NRXN1: variants seen among roughly 807,000 people sequenced by gnomAD.
NRXN1 encodes the protein neurexin-1.
A neutral mutation model predicts 150.9 loss-of-function variants in NRXN1; 39 were observed. The observed-to-expected ratio is 0.26, with a 90% CI of 0.20 to 0.34. The LOEUF (loss-of-function observed/expected upper bound fraction) is 0.34. NRXN1 is among the 10% of genes least tolerant of loss of function. The probability of loss-of-function intolerance (pLI) is 1.00; values close to 1 mark genes in which losing one functional copy is unlikely to be tolerated. For synonymous variants in NRXN1, 924 were observed against 757.0 expected (o/e 1.22, Z -3.62); for missense variants, 1,815 against 1,949.9 (o/e 0.93, Z 1.30).
At chr2:50,908,010 T>G (rs1461969933) in intron 5 of NRXN1, among the ~76,000 whole-genome samples, 2 of 152,070 alleles carry the variant, frequency 1.3e-5, no homozygotes, top group African/African-American at 4.8e-5. Flanking sequence ...GTAAATAACT[T>G]ATATTACAGG....
chr2:50,002,606 T>C (rs1423762597), intron 21 of NRXN1, among the ~76,000 whole-genome samples: 3 of 152,134 alleles, frequency 2.0e-5, no homozygotes, highest in African/African-American at 7.2e-5. Flanking sequence ...TCTTTTAACG[T>C]CAAAGTTTAC....
chr2:50,467,716 A>G lies in NRXN1; in HGVS notation c.3245-2155T>C, dbSNP rs1018317183. ...AATTAAAACAAAAATAGTAGTTTATATAAGTAGTAATATAATAAGAAGACC... is the reference window on the plus strand; with the variant it reads ...AATTAAAACAAAAATAGTAGTTTATGTAAGTAGTAATATAATAAGAAGACC... On this transcript the variant is annotated intron_variant, in intron 16 of 22. Coordinates refer to ENST00000401669, the MANE Select transcript of NRXN1 (RefSeq NM_001330078.2). 3.1e-4 allele frequency among the ~76,000 whole-genome samples: 47 copies of G among 151,614 alleles called. No homozygotes were observed. The Middle Eastern group carries it at 0.01, about 33-fold the overall frequency.
intron 18 of NRXN1, among the ~76,000 whole-genome samples, chr2:50,119,738 G>A (rs1387154240): frequency 1.3e-5 from 2 of 152,022 alleles, no homozygotes. Context: ...AAAGCCTCCC[G>A]GTTCACCCAT....
At chr2:50,200,350 A>G (rs2062071623) in intron 18 of NRXN1, among the ~76,000 whole-genome samples, 1 of 152,164 alleles carries the variant, frequency 6.6e-6, no homozygotes, top group South Asian at 2.1e-4. Context: ...AGTCATAATT[A>G]ATTGGCCTCA....
At chr2:50,671,438 A>G (rs577760360) in intron 5 of NRXN1, among the ~76,000 whole-genome samples, 1 of 151,534 alleles carries the variant, frequency 6.6e-6, no homozygotes, top group Non-Finnish European at 1.5e-5. Flanking sequence ...ATACTTCTTG[A>G]TTTATTTTAT....
rs180812359 is a variant in NRXN1, at chr2:49,966,415, A to T, written c.4129-22624T>A. 4.6e-5 allele frequency among the ~76,000 whole-genome samples: 7 copies of T among 152,300 alleles called. No individual in the cohort carries two copies. The East Asian group carries it at 1.2e-3, about 25-fold the overall frequency. ...TAAAAATTTTCAATATGAAAATCTC[A>T]TAAGAAAATCTCAGATGCAGATTCA... is the stretch of plus-strand genomic sequence containing the variant. On this transcript the variant is annotated intron_variant, in intron 21 of 22. Coordinates refer to ENST00000401669, the MANE Select transcript of NRXN1 (RefSeq NM_001330078.2).
At chr2:50,703,614 A>G (rs1010475809) in intron 5 of NRXN1, among the ~76,000 whole-genome samples, 1 of 152,172 alleles carries the variant, frequency 6.6e-6, no homozygotes, top group Non-Finnish European at 1.5e-5. Flanking sequence ...GGAGTGCCAT[A>G]AAGGGCATCA....
chr2:50,264,098 T>C (rs2068595675), intron 17 of NRXN1, among the ~76,000 whole-genome samples: 1 of 152,152 alleles, frequency 6.6e-6, no homozygotes, highest in Non-Finnish European at 1.5e-5. Flanking sequence ...TACTATCTTA[T>C]GCAGTAGGAC....
intron 18 of NRXN1, among the ~76,000 whole-genome samples, chr2:50,119,468 C>G (rs1273553469): frequency 3.3e-5 from 5 of 151,630 alleles, no homozygotes; most frequent in African/African-American, 1.2e-4. Flanking sequence ...TTCATCAGAG[C>G]TTTCTTTGTC....
At chr2:50,175,644 T>C (rs1823768) in intron 18 of NRXN1, among the ~76,000 whole-genome samples, 40,435 of 151,854 alleles carry the variant, frequency 0.27, 5,842 homozygotes, top group African/African-American at 0.34. Context: ...TATATGCACA[T>C]GCATGTCTAT....
intron 15 of NRXN1, among the ~76,000 whole-genome samples, chr2:50,485,522 G>A (rs1364151589): frequency 6.6e-6 from 1 of 152,174 alleles, no homozygotes; most frequent in Non-Finnish European, 1.5e-5. Flanking sequence ...CCGACACGCT[G>A]AGAAAACTTT....
chr2:50,073,487 T>C (rs972395462), intron 19 of NRXN1, among the ~76,000 whole-genome samples: 1 of 152,184 alleles, frequency 6.6e-6, no homozygotes, highest in East Asian at 1.9e-4. Context: ...CAGGCCTCAC[T>C]CATGCTTCCA....
intron 19 of NRXN1, among the ~76,000 whole-genome samples, chr2:50,066,297 G>C (rs764395926): frequency 7.9e-5 from 12 of 152,176 alleles, no homozygotes; most frequent in Non-Finnish European, 1.8e-4. Flanking sequence ...TGTCTAGGGA[G>C]TCAAGGGGAC....
chr2:50,063,568 A>G (rs1694902968), intron 19 of NRXN1, among the ~76,000 whole-genome samples: 2 of 151,542 alleles, frequency 1.3e-5, no homozygotes, highest in Admixed American at 6.6e-5. Context: ...ACACACACAC[A>G]CACACACACA....
At chr2:50,745,525 G>C (rs1699919812) in intron 5 of NRXN1, among the ~76,000 whole-genome samples, 1 of 151,786 alleles carries the variant, frequency 6.6e-6, no homozygotes, top group African/African-American at 2.4e-5. Context: ...ATGGTTAATA[G>C]ATGGTGGTGA....
At chr2:50,334,295 A>T (rs935248610) in intron 17 of NRXN1, among the ~76,000 whole-genome samples, 2 of 151,376 alleles carry the variant, frequency 1.3e-5, no homozygotes, top group Non-Finnish European at 2.9e-5. Context: ...AAAGTCATTC[A>T]TTCAATAGTA....
In NRXN1 at chr2:51,028,011, C is replaced by A. The variant is rs1215473708; in HGVS notation, c.263G>T (p.Arg88Leu). ...GAAGATGGAGAAGCTGAGCTGCAGGCGGCCGCCGCGCGTCAGAATCAGCTC... is the reference window on the plus strand; with the variant it reads ...GAAGATGGAGAAGCTGAGCTGCAGGAGGCCGCCGCGCGTCAGAATCAGCTC... The part of the protein sequence containing the change: ...FLELILTRGG[R>L]LQLSFSIFCA... The change falls in exon 2 of 23, where the codon CGC becomes CTC. Residue 88 changes from arginine (R) to leucine (L), a missense_variant. Physicochemically the swap from Arg to Leu is moderately radical, Grantham distance 102. This residue lies in a region of NRXN1 where 554 missense variants were observed against 478.8 expected (regional missense o/e 1.16). Coordinates refer to ENST00000401669, the MANE Select transcript of NRXN1 (RefSeq NM_001330078.2). 6.3e-7 allele frequency: 1 copy of A among 1,599,080 alleles called. No homozygotes were observed. The highest frequency in any genetic ancestry group is 8.5e-7 in the Non-Finnish European group (1 of 1,177,714).
At chr2:50,166,302 TG>T (rs2059681283) in intron 18 of NRXN1, among the ~76,000 whole-genome samples, 1 of 150,250 alleles carries the variant, frequency 6.7e-6, no homozygotes, top group African/African-American at 2.5e-5. Flanking sequence ...TGTGTGTGTG[TG>T]TGTGTGTGTG....
intron 22 of NRXN1, among the ~76,000 whole-genome samples, chr2:49,938,634 C>T (rs1442853761): frequency 4.6e-5 from 7 of 152,192 alleles, no homozygotes; most frequent in African/African-American, 1.7e-4. Flanking sequence ...AGCTATCCAT[C>T]CCCTAACCAC....
Sources: gnomAD v4.1 joint callset for allele counts (sites outside exome capture counted in the v4.1 genomes callset) on GRCh38, gnomAD v4.1.1 for gene constraint, gnomAD v4.1.1 regional missense constraint, MANE v1.5 for transcripts, NCBI Gene and HGNC (gene_info 2026-07-23, HGNC 2026-07-21) for gene names.